The following GOLIM4 variants were observed in gnomAD, a reference collection of about 807,000 sequenced individuals.
GOLIM4 encodes the protein golgi integral membrane protein 4.
GOLIM4 carries 71 observed loss-of-function variants against 107.4 expected under a neutral mutation model. The observed-to-expected ratio is 0.66, with a 90% CI of 0.55 to 0.81. The LOEUF (loss-of-function observed/expected upper bound fraction) is 0.81. GOLIM4 is among the 30% of genes least tolerant of loss of function. The pLI is 0.00. For missense variants in GOLIM4, 830 were observed against 826.1 expected (o/e 1.00, Z -0.06); for synonymous variants, 327 against 294.8 (o/e 1.11, Z -1.12).
intron 1 of GOLIM4, among the ~76,000 whole-genome samples, chr3:168,069,876 G>A (rs1366032362): frequency 1.3e-5 from 2 of 152,116 alleles, no homozygotes; most frequent in African/African-American, 4.8e-5. Flanking sequence ...TTTCCTTAGT[G>A]TTACATAAAA....
intron 1 of GOLIM4, among the ~76,000 whole-genome samples, chr3:168,060,359 G>A (rs1322961332): frequency 6.6e-6 from 1 of 152,214 alleles, no homozygotes; most frequent in East Asian, 1.9e-4. Flanking sequence ...AATGGAAGAA[G>A]AGGACCAGTG....
intron 1 of GOLIM4, among the ~76,000 whole-genome samples, chr3:168,071,332 C>T (rs1207055611): frequency 6.6e-6 from 1 of 152,044 alleles, no homozygotes; most frequent in Non-Finnish European, 1.5e-5. Flanking sequence ...AATTAAGGGC[C>T]TAATTCAGTG....
intron 1 of GOLIM4, among the ~76,000 whole-genome samples, chr3:168,055,975 G>A (rs1274464330): frequency 6.6e-6 from 1 of 152,210 alleles, no homozygotes; most frequent in African/African-American, 2.4e-5. Flanking sequence ...AAGTAACTAG[G>A]AGCCAAATGT....
intron 14 of GOLIM4, among the ~76,000 whole-genome samples, chr3:168,014,516 G>C (rs1448879540): frequency 7.0e-5 from 9 of 128,056 alleles, no homozygotes; most frequent in Non-Finnish European, 1.3e-4. Flanking sequence ...TAGAAAAAGA[G>C]GGAATCCTCC....
At chr3:168,068,424 A>C (rs902411569) in intron 1 of GOLIM4, among the ~76,000 whole-genome samples, 1 of 152,198 alleles carries the variant, frequency 6.6e-6, no homozygotes, top group Non-Finnish European at 1.5e-5. Flanking sequence ...CACATTATTT[A>C]AAGCAATTTT....
At chr3:168,012,232 C>T (rs1263411332) in intron 14 of GOLIM4, among the ~76,000 whole-genome samples, 3 of 131,942 alleles carry the variant, frequency 2.3e-5, no homozygotes, top group Non-Finnish European at 4.5e-5. Context: ...TCGAGAACTA[C>T]ATGAAGAATG....
At chr3:168,069,844 A>G (rs1179241827) in intron 1 of GOLIM4, among the ~76,000 whole-genome samples, 1 of 152,210 alleles carries the variant, frequency 6.6e-6, no homozygotes, top group Non-Finnish European at 1.5e-5. Context: ...ATCATTAGTG[A>G]TTTATGTCAC....
intron 14 of GOLIM4, among the ~76,000 whole-genome samples, chr3:168,020,260 T>C (rs1365288810): frequency 1.3e-5 from 2 of 152,188 alleles, no homozygotes; most frequent in African/African-American, 2.4e-5. Flanking sequence ...TGGACCCTTT[T>C]AAGACTTTGG....
At chr3:168,053,893 A>AAAAG (rs972433470) in intron 1 of GOLIM4, among the ~76,000 whole-genome samples, 1 of 152,152 alleles carries the variant, frequency 6.6e-6, no homozygotes, top group Non-Finnish European at 1.5e-5. Context: ...CAACCCCCAT[A>AAAAG]AAAGAAAGAA....
In GOLIM4 at chr3:168,010,091, AC is replaced by A; in HGVS notation, c.*177del. 2.1e-6 allele frequency: 1 copy of A among 483,168 alleles called. No individual in the cohort carries two copies. The allele number at this position is 483,168 out of a possible 1,614,324, so 29.9% of individuals were successfully genotyped here. On this transcript the variant is annotated 3_prime_UTR_variant, in exon 16 of 16. Coordinates refer to ENST00000470487, the MANE Select transcript of GOLIM4 (RefSeq NM_014498.5). ...AGCTTGAATATAAAAGAAGCTCTAG[AC>A]CTACGTTATCAAAATATATTCATAT...
intron 1 of GOLIM4, among the ~76,000 whole-genome samples, chr3:168,064,895 A>T (rs976634374): frequency 1.3e-5 from 2 of 152,088 alleles, no homozygotes; most frequent in African/African-American, 4.8e-5. Context: ...AACCTTATTC[A>T]TAGAATTTAG....
Position 168,041,385 on chromosome 3 carries a change from CT to C in GOLIM4, c.600+6del. The C allele has an allele frequency of 1.3e-6, 2 of 1,539,638 alleles. No homozygotes were observed. Among genetic ancestry groups the C allele is most frequent in the Non-Finnish European group, 1.8e-6 (2 of 1,113,944 alleles). On this transcript the variant is annotated splice_donor_region_variant and intron_variant, in intron 6 of 15. Coordinates refer to ENST00000470487, the MANE Select transcript of GOLIM4 (RefSeq NM_014498.5). The stretch of plus-strand genomic sequence containing the variant: ...ACTAAATAGTGAAACGTTTGGTTTT[CT>C]TTTACCTTGACATCTTGAAGCTGTG...
intron 1 of GOLIM4, among the ~76,000 whole-genome samples, chr3:168,064,602 ATT>A (rs202087898): frequency 1.2e-4 from 17 of 144,440 alleles, no homozygotes; most frequent in East Asian, 2.1e-4. Context: ...ATACTTGGGG[ATT>A]TTTTTTTTTT....
chr3:168,009,430 C>CAAAAACAAAAAAAAA lies in GOLIM4; in HGVS notation c.*838_*839insTTTTTTTTTGTTTTT, dbSNP rs1716862234. ...AAGAATATCAATCAATGGCTTCAAA[C>CAAAAACAAAAAAAAA]AAAAAAAAAAAAAAAAAATTGAGAA... On this transcript the variant is annotated 3_prime_UTR_variant, in exon 16 of 16. Transcript: ENST00000470487. 1 of 77,496 alleles carries CAAAAACAAAAAAAAA rather than the reference C, an allele frequency of 1.3e-5. No homozygotes were observed. Among genetic ancestry groups the CAAAAACAAAAAAAAA allele is most frequent in the African/African-American group, 3.4e-5 (1 of 29,284 alleles). 4.8% of individuals were successfully genotyped at this position (77,496 alleles called of 1,614,324 possible).
At chr3:168,058,887 G>A (rs1720115646) in intron 1 of GOLIM4, among the ~76,000 whole-genome samples, 1 of 152,132 alleles carries the variant, frequency 6.6e-6, no homozygotes. Flanking sequence ...AATAGAACCT[G>A]TATAGTACTA....
At chr3:168,032,379 AAACTT>A in intron 9 of GOLIM4, 136 bp downstream of exon 9, 1 of 706,368 alleles carries the variant, frequency 1.4e-6, no homozygotes, top group South Asian at 1.7e-5. Flanking sequence ...TTACAAGAGA[AAACTT>A]AAATATGAGC....
intron 14 of GOLIM4, among the ~76,000 whole-genome samples, chr3:168,011,131 C>T (rs944382290): frequency 1.9e-4 from 29 of 151,336 alleles, no homozygotes; most frequent in African/African-American, 6.6e-4. Context: ...ATCTGAGGTA[C>T]CAGGTTCCTC....
intron 14 of GOLIM4, among the ~76,000 whole-genome samples, chr3:168,014,242 T>C (rs1405657128): frequency 2.0e-5 from 3 of 151,066 alleles, no homozygotes; most frequent in African/African-American, 7.4e-5. Context: ...CAAACTACCA[T>C]CAGAGAATAC....
chr3:168,068,078 A>T (rs1720642225), intron 1 of GOLIM4, among the ~76,000 whole-genome samples: 1 of 152,146 alleles, frequency 6.6e-6, no homozygotes, highest in East Asian at 1.9e-4. Flanking sequence ...AAAAAATGCT[A>T]GGAGCTTAAT....
Sources: allele counts gnomAD v4.1 joint callset (sites outside exome capture counted in the v4.1 genomes callset), GRCh38; gene constraint gnomAD v4.1.1; transcripts MANE v1.5; gene names NCBI Gene and HGNC (gene_info 2026-07-23, HGNC 2026-07-21).